SLC25A40: variants seen among roughly 807,000 people sequenced by gnomAD.
SLC25A40 encodes solute carrier family 25 member 40.
A neutral mutation model predicts 46.5 loss-of-function variants in SLC25A40; 41 were observed. The ratio of observed to expected loss-of-function variants is 0.88; its 90% CI spans 0.69 to 1.14. SLC25A40 has a LOEUF of 1.14. SLC25A40 is among the 50% of genes most tolerant of loss of function. The pLI, the probability that SLC25A40 is intolerant of heterozygous loss-of-function variation, is 0.00. For synonymous variants in SLC25A40, 126 were observed against 127.5 expected (o/e 0.99, Z 0.08); for missense variants, 386 against 393.6 (o/e 0.98, Z 0.16).
At chr7:87,851,839 G>A (rs1347185239) in intron 5 of SLC25A40, among the ~76,000 whole-genome samples, 1 of 152,150 alleles carries the variant, frequency 6.6e-6, no homozygotes, top group Non-Finnish European at 1.5e-5. Context: ...TTTTAAGTGA[G>A]ATTAAAGAGT....
Position 87,835,016 on chromosome 7 carries a change from A to G in SLC25A40, c.*1233T>C, listed in dbSNP as rs1364433868. 1 of 151,478 alleles carries G rather than the reference A, an allele frequency of 6.6e-6. No individual in the cohort carries two copies. The highest frequency in any genetic ancestry group is 1.5e-5 in the Non-Finnish European group (1 of 67,584). The allele number at this position is 151,478 out of a possible 1,614,324, so 9.4% of individuals were successfully genotyped here. On this transcript the variant is annotated 3_prime_UTR_variant, in exon 12 of 12. Transcript: ENST00000341119. ...AGCACTAAAGACTTGTCATCTAAAT[A>G]TATTCATTTTAGGGGAGAAAAAAAT...
At chr7:87,851,119 T>C (rs1053830359) in intron 5 of SLC25A40, among the ~76,000 whole-genome samples, 12 of 152,156 alleles carry the variant, frequency 7.9e-5, no homozygotes, top group Admixed American at 3.9e-4. Flanking sequence ...TTAAAACACA[T>C]GTTCACACAG....
rs557964714 is a variant in SLC25A40 at position 87,836,099 on chromosome 7, T to G, written c.*150A>C. On this transcript the variant is annotated 3_prime_UTR_variant, in exon 12 of 12. Coordinates refer to ENST00000341119, the MANE Select transcript of SLC25A40 (RefSeq NM_018843.4). ...TAAGATAAAATTTATTTTAAAATTA[T>G]GATTTAGAGGTAGAGCTGAAATTAT... is the stretch of plus-strand genomic sequence containing the variant. 65 of 493,042 alleles carry G rather than the reference T, an allele frequency of 1.3e-4. No individual in the cohort carries two copies. Among genetic ancestry groups the G allele is most frequent in the African/African-American group, 1.3e-3 (61 of 48,768 alleles). The allele number at this position is 493,042 out of a possible 1,614,324, so 30.5% of individuals were successfully genotyped here. A position where few individuals can be genotyped will look rare whatever the true frequency, so the allele number is the denominator to read the frequency against.
chr7:87,845,413 C>T (rs1480340955), intron 8 of SLC25A40, among the ~76,000 whole-genome samples: 1 of 152,084 alleles, frequency 6.6e-6, no homozygotes, highest in African/African-American at 2.4e-5. Context: ...TCAGCAGTAG[C>T]AATATATTCT....
At chr7:87,847,494 A>T (rs1276546956) in intron 7 of SLC25A40, among the ~76,000 whole-genome samples, 3 of 152,156 alleles carry the variant, frequency 2.0e-5, no homozygotes, top group Non-Finnish European at 4.4e-5. Flanking sequence ...AACGTTCCTT[A>T]TGATAAAACT....
At chr7:87,871,959 T>C (rs901899720) in intron 1 of SLC25A40, among the ~76,000 whole-genome samples, 2 of 152,242 alleles carry the variant, frequency 1.3e-5, no homozygotes, top group African/African-American at 4.8e-5. Context: ...CAGCATAAGG[T>C]TGTTCATAAT....
intron 8 of SLC25A40, among the ~76,000 whole-genome samples, chr7:87,845,455 G>C (rs1390470273): frequency 1.3e-5 from 2 of 152,178 alleles, no homozygotes; most frequent in Non-Finnish European, 2.9e-5. Flanking sequence ...GCGCATGTGA[G>C]GGATCTGGGT....
At chr7:87,866,231 T>C (rs1459874465) in intron 1 of SLC25A40, among the ~76,000 whole-genome samples, 1 of 152,328 alleles carries the variant, frequency 6.6e-6, no homozygotes, top group Non-Finnish European at 1.5e-5. Flanking sequence ...GGGTATGGTG[T>C]GGTGAATCCT....
intron 2 of SLC25A40, among the ~76,000 whole-genome samples, chr7:87,859,335 G>A (rs1206267836): frequency 3.3e-5 from 5 of 152,062 alleles, no homozygotes; most frequent in East Asian, 3.9e-4. Context: ...CCAGCTACTC[G>A]GGAGGCTGAG....
intron 3 of SLC25A40, among the ~76,000 whole-genome samples, chr7:87,858,300 C>T (rs1838645536): frequency 6.6e-6 from 1 of 152,200 alleles, no homozygotes; most frequent in African/African-American, 2.4e-5. Context: ...CCTGTTTCCT[C>T]AGAAGCATGT....
chr7:87,868,972 A>G (rs1284894793), intron 1 of SLC25A40, among the ~76,000 whole-genome samples: 1 of 152,216 alleles, frequency 6.6e-6, no homozygotes, highest in Non-Finnish European at 1.5e-5. Flanking sequence ...TTAGCATACA[A>G]AAATATAGGA....
At position 87,876,319 on chromosome 7, in the gene SLC25A40, GGAAACACAA is replaced by G. The variant is rs1487038289; in HGVS notation, c.-326_-318del. ...AACGGAATGGAGGCGGGGTAGAGGCGGAAACACAACCTGCAGGGCCAGAGCGAGGCGCGA... is the reference window on the plus strand; with the variant it reads ...AACGGAATGGAGGCGGGGTAGAGGCGCCTGCAGGGCCAGAGCGAGGCGCGA... On this transcript the variant is annotated 5_prime_UTR_variant, in exon 1 of 12. Coordinates refer to ENST00000341119, the MANE Select transcript of SLC25A40 (RefSeq NM_018843.4). The G allele has an allele frequency of 6.0e-6, 1 of 168,048 alleles. No homozygotes were observed. Among genetic ancestry groups the G allele is most frequent in the Non-Finnish European group, 1.3e-5 (1 of 79,410 alleles). 10.4% of individuals were successfully genotyped at this position (168,048 alleles called of 1,614,324 possible).
intron 1 of SLC25A40, among the ~76,000 whole-genome samples, chr7:87,869,106 C>T (rs995481174): frequency 1.3e-5 from 2 of 152,118 alleles, no homozygotes; most frequent in African/African-American, 4.8e-5. Context: ...GCTCTGAAAG[C>T]TGCCTCATCC....
chr7:87,856,886 C>G (rs1342215239), intron 3 of SLC25A40, among the ~76,000 whole-genome samples: 1 of 152,058 alleles, frequency 6.6e-6, no homozygotes, highest in Non-Finnish European at 1.5e-5. Context: ...ATATTTTATC[C>G]AAGTAGAAAC....
chr7:87,857,640 CCT>C (rs1838634690), intron 3 of SLC25A40, among the ~76,000 whole-genome samples: 3 of 152,274 alleles, frequency 2.0e-5, no homozygotes, highest in South Asian at 2.1e-4. Flanking sequence ...ATTTCTTACC[CCT>C]GTCTTACTTT....
Position 87,858,685 on chromosome 7 carries a change from G to C in SLC25A40, c.43C>G (p.Pro15Ala). Residue 15 changes from proline to alanine, a missense_variant, in exon 3 of 12, where the codon CCT (proline) becomes GCT (alanine). Pro to Ala is a conservative substitution (Grantham distance 27). Transcript: ENST00000341119. ...CATGAGGCAAGCATTTGTTGAAGAG[G>C]TGTCACTTTGATAATCTCTTGTCCC... ...TRGQEIIKVT[P>A]LQQMLASCTG... 6.2e-7 allele frequency: 1 copy of C among 1,612,942 alleles called. No individual in the cohort carries two copies. The highest frequency in any genetic ancestry group is 8.5e-7 in the Non-Finnish European group (1 of 1,179,082).
intron 2 of SLC25A40, among the ~76,000 whole-genome samples, chr7:87,859,640 T>C (rs1416161391): frequency 1.3e-5 from 2 of 152,200 alleles, no homozygotes; most frequent in Non-Finnish European, 2.9e-5. Context: ...ACTATTTTGC[T>C]TGTTTAGTAG....
At chr7:87,868,835 T>G (rs181619121) in intron 1 of SLC25A40, among the ~76,000 whole-genome samples, 80 of 152,310 alleles carry the variant, frequency 5.3e-4, no homozygotes, top group Non-Finnish European at 1.0e-3. Context: ...TGGTCATTAG[T>G]GATCAACTTG....
At chr7:87,840,691 C>G (rs1358000761) in intron 10 of SLC25A40, among the ~76,000 whole-genome samples, 1 of 151,768 alleles carries the variant, frequency 6.6e-6, no homozygotes, top group African/African-American at 2.4e-5. Flanking sequence ...ATGCCTAAAA[C>G]AGGGAAGTGG....
Sources: gnomAD v4.1 joint callset for allele counts (sites outside exome capture counted in the v4.1 genomes callset) on GRCh38, gnomAD v4.1.1 for gene constraint, MANE v1.5 for transcripts, NCBI Gene and HGNC (gene_info 2026-07-23, HGNC 2026-07-21) for gene names.